Variants in NUP37 observed in about 807,000 individuals in gnomAD.
NUP37 encodes nucleoporin 37, also known as nucleoporin Nup37.
In NUP37, 33 loss-of-function variants were observed where a neutral mutation model predicts 45.4. The ratio of observed to expected loss-of-function variants is 0.73; its 90% CI spans 0.55 to 0.97. NUP37 has a LOEUF of 0.97. NUP37 is among the 50% of genes least tolerant of loss of function. The probability of loss-of-function intolerance (pLI) is 0.00; values close to 1 mark genes in which losing one functional copy is unlikely to be tolerated. For synonymous variants in NUP37, 127 were observed against 130.7 expected (o/e 0.97, Z 0.19); for missense variants, 365 against 389.7 (o/e 0.94, Z 0.53).
intron 7 of NUP37, 192 bp from the exon 8 acceptor site, chr12:102,077,039 C>A (rs1291975456): frequency 8.2e-6 from 5 of 607,194 alleles, no homozygotes; most frequent in Non-Finnish European, 1.4e-5. Flanking sequence ...TGCAGGGAAC[C>A]ATCATGCAAC....
intron 3 of NUP37, 107 bp from the exon 4 acceptor site, chr12:102,101,211 T>C (rs1468003575): frequency 1.8e-6 from 1 of 556,766 alleles, no homozygotes; most frequent in African/African-American, 2.0e-5. Context: ...TTATCATAAC[T>C]CATAATCATG....
rs1290257649 is a variant in NUP37, at chr12:102,073,472, T to G, written c.*882A>C. The G allele has an allele frequency of 6.6e-6, 1 of 152,192 alleles. No individual in the cohort carries two copies. Among genetic ancestry groups the G allele is most frequent in the African/African-American group, 2.4e-5 (1 of 41,442 alleles). The allele number at this position is 152,192 out of a possible 1,614,324, so 9.4% of individuals were successfully genotyped here. ...TGTTAAAGGTATACACTAGAAGTCA[T>G]TTTTCAAGGTAACTTTTGATCCCAT... is the stretch of plus-strand genomic sequence containing the variant. On this transcript the variant is annotated 3_prime_UTR_variant, in exon 10 of 10. Coordinates refer to ENST00000552283, the MANE Select transcript of NUP37 (RefSeq NM_024057.4).
chr12:102,074,564 C>T, intron 9 of NUP37, 97 bp from the exon 10 acceptor site: 1 of 726,364 alleles, frequency 1.4e-6, no homozygotes, highest in East Asian at 2.7e-5. Context: ...GATGATTTAT[C>T]TTTGTAGCAT....
intron 3 of NUP37, among the ~76,000 whole-genome samples, chr12:102,103,227 T>C (rs112652702): frequency 2.0e-5 from 3 of 152,320 alleles, no homozygotes; most frequent in East Asian, 3.9e-4. Flanking sequence ...ATCCAATCCA[T>C]GAACACAGGA....
intron 6 of NUP37, among the ~76,000 whole-genome samples, chr12:102,081,292 A>G (rs1256328932): frequency 1.3e-5 from 2 of 152,246 alleles, no homozygotes; most frequent in Non-Finnish European, 2.9e-5. Flanking sequence ...TACTGTCTGT[A>G]TAACTGTGCT....
At chr12:102,102,853 T>C (rs1385948802) in intron 3 of NUP37, among the ~76,000 whole-genome samples, 9 of 152,244 alleles carry the variant, frequency 5.9e-5, no homozygotes, top group Admixed American at 4.6e-4. Flanking sequence ...TTGAAGACAC[T>C]GTCCTTTCTT....
intron 6 of NUP37, among the ~76,000 whole-genome samples, chr12:102,083,118 GC>G (rs1879374535): frequency 6.6e-6 from 1 of 152,140 alleles, no homozygotes; most frequent in Admixed American, 6.5e-5. Flanking sequence ...AAAAATAACA[GC>G]AAGAAATTAA....
intron 3 of NUP37, among the ~76,000 whole-genome samples, chr12:102,102,943 T>C (rs938442187): frequency 6.6e-6 from 1 of 152,196 alleles, no homozygotes; most frequent in Non-Finnish European, 1.5e-5. Flanking sequence ...TCTATCTTAT[T>C]CTATTGGTCA....
chr12:102,107,746 CA>C (rs1270294088), intron 3 of NUP37, among the ~76,000 whole-genome samples: 1 of 151,512 alleles, frequency 6.6e-6, no homozygotes, highest in Non-Finnish European at 1.5e-5. Flanking sequence ...CAAAGCAGGA[CA>C]AAAAAATACA....
At chr12:102,077,111 C>T (rs1231908275) in intron 7 of NUP37, 1 of 626,006 alleles carries the variant, frequency 1.6e-6, no homozygotes, top group Non-Finnish European at 2.8e-6. Context: ...AAGATTTCCT[C>T]TTTTGCACTG....
Position 102,073,572 on chromosome 12 carries a change from TAATC to T in NUP37, c.*778_*781del, listed in dbSNP as rs1270159590. 1 of 152,230 alleles carries T rather than the reference TAATC, an allele frequency of 6.6e-6. No homozygotes were observed. Among genetic ancestry groups the T allele is most frequent in the Non-Finnish European group, 1.5e-5 (1 of 68,046 alleles). The allele number at this position is 152,230 out of a possible 1,614,324, so 9.4% of individuals were successfully genotyped here. A position where few individuals can be genotyped will look rare whatever the true frequency, so the allele number is the denominator to read the frequency against. The stretch of plus-strand genomic sequence containing the variant: ...GTATAATAAACAGGGTTGAGCAATA[TAATC>T]AATCACATATTTAAGAAACTGAAAA... On this transcript the variant is annotated 3_prime_UTR_variant, in exon 10 of 10. Transcript: ENST00000552283.
Position 102,075,102 on chromosome 12 carries a change from A to G in NUP37, c.774-8T>C. Reference sequence around the variant, plus strand: ...TCACTAATTGTGGACCACCTAAGAAATAAGGAAGCGTAAAATTAAGTATCG... The same window carrying G: ...TCACTAATTGTGGACCACCTAAGAAGTAAGGAAGCGTAAAATTAAGTATCG... On this transcript the variant is annotated splice_region_variant and splice_polypyrimidine_tract_variant and intron_variant, in intron 8 of 9. Transcript: ENST00000552283. 1 of 1,578,702 alleles carries G rather than the reference A, an allele frequency of 6.3e-7. No individual in the cohort carries two copies. Among genetic ancestry groups the G allele is most frequent in the South Asian group, 1.1e-5 (1 of 88,942 alleles).
At chr12:102,115,871 C>G in intron 2 of NUP37, 1 of 855,850 alleles carries the variant, frequency 1.2e-6, no homozygotes, top group Non-Finnish European at 1.4e-6. Flanking sequence ...GGTTCTAGGA[C>G]AACAGAATAG....
Position 102,089,269 on chromosome 12 carries a change from T to C in NUP37, c.450-3413A>G, listed in dbSNP as rs536616303. ...CTGCAGAAAGGCTGTCACTTCACAC[T>C]TGGAAGATTGCACAGTGGCCAGGCA... On this transcript the variant is annotated intron_variant, in intron 5 of 9. Transcript: ENST00000552283. Among the ~76,000 whole-genome samples, 44 of 152,232 alleles carry C rather than the reference T, an allele frequency of 2.9e-4. 1 individual carries two copies. In the East Asian group the frequency reaches 8.1e-3, roughly 28 times the overall value.
rs1879086478 is a variant in NUP37 at position 102,073,471 on chromosome 12, A to G, written c.*883T>C. ...CTGTTAAAGGTATACACTAGAAGTC[A>G]TTTTTCAAGGTAACTTTTGATCCCA... On this transcript the variant is annotated 3_prime_UTR_variant, in exon 10 of 10. Coordinates refer to ENST00000552283, the MANE Select transcript of NUP37 (RefSeq NM_024057.4). The G allele has an allele frequency of 6.6e-6, 1 of 152,182 alleles. No homozygotes were observed. Among genetic ancestry groups the G allele is most frequent in the African/African-American group, 2.4e-5 (1 of 41,440 alleles). The allele number at this position is 152,182 out of a possible 1,614,324, so 9.4% of individuals were successfully genotyped here.
At chr12:102,109,493 T>C (rs968902611) in intron 3 of NUP37, among the ~76,000 whole-genome samples, 1 of 152,156 alleles carries the variant, frequency 6.6e-6, no homozygotes, top group Non-Finnish European at 1.5e-5. Context: ...ATTGGGAGTA[T>C]AGGTGGCATT....
chr12:102,090,350 T>A (rs1428291423), intron 5 of NUP37, among the ~76,000 whole-genome samples: 1 of 152,142 alleles, frequency 6.6e-6, no homozygotes, highest in African/African-American at 2.4e-5. Context: ...TCTGACAGAT[T>A]TTTCTTTTTT....
chr12:102,086,345 G>A (rs914226733), intron 5 of NUP37, among the ~76,000 whole-genome samples: 3 of 152,020 alleles, frequency 2.0e-5, no homozygotes, highest in Admixed American at 6.5e-5. Flanking sequence ...TTAGCAACAC[G>A]GCCATCTTCC....
At chr12:102,106,402 A>G (rs761306931) in intron 3 of NUP37, among the ~76,000 whole-genome samples, 2 of 152,206 alleles carry the variant, frequency 1.3e-5, no homozygotes, top group Non-Finnish European at 2.9e-5. Context: ...ATATTTTAAC[A>G]ACATTTTCAT....
Sources: gnomAD v4.1 joint callset for allele counts (sites outside exome capture counted in the v4.1 genomes callset) on GRCh38, gnomAD v4.1.1 for gene constraint, MANE v1.5 for transcripts, NCBI Gene and HGNC (gene_info 2026-07-23, HGNC 2026-07-21) for gene names.